Variants in SHISA9 observed in about 807,000 individuals in gnomAD.
SHISA9 encodes protein shisa-9.
Under a neutral mutation model 38.0 loss-of-function variants are expected in SHISA9, and 13 were observed. The observed-to-expected ratio is 0.34, with a 90% CI of 0.22 to 0.54. SHISA9 has a LOEUF of 0.54. Ranked by LOEUF, SHISA9 falls within the 20% of genes least tolerant of loss-of-function variation. The probability of loss-of-function intolerance (pLI) is 0.91; values close to 1 mark genes in which losing one functional copy is unlikely to be tolerated. For missense variants in SHISA9, 538 were observed against 575.8 expected, an observed-to-expected ratio of 0.93 and a Z score of 0.67; for synonymous variants, 275 against 242.0, an observed-to-expected ratio of 1.14 and a Z score of -1.27.
chr16:13,129,139 A>G (rs902578794), intron 2 of SHISA9, among the ~76,000 whole-genome samples: 41 of 152,162 alleles, frequency 2.7e-4, no homozygotes, highest in Non-Finnish European at 5.3e-4. Flanking sequence ...AGACAGAGTT[A>G]TTGTCTTCAT....
the SHISA9 span, among the ~76,000 whole-genome samples, chr16:13,315,424 C>T: frequency 6.6e-6 from 1 of 152,166 alleles, no homozygotes; most frequent in Non-Finnish European, 1.5e-5. Flanking sequence ...GTTTATAAAG[C>T]TTAGCACAGA....
chr16:13,064,988 T>G (rs962398233), intron 2 of SHISA9, among the ~76,000 whole-genome samples: 9 of 152,148 alleles, frequency 5.9e-5, no homozygotes, highest in African/African-American at 2.2e-4. Flanking sequence ...GCTTTGTGTC[T>G]TTGTCTGTGA....
chr16:13,412,616 G>C, the SHISA9 span, among the ~76,000 whole-genome samples: 1 of 152,080 alleles, frequency 6.6e-6, no homozygotes, highest in Admixed American at 6.5e-5. Context: ...CAGCACTTTG[G>C]GAGTCTGAGG....
chr16:12,986,460 A>T (rs1456495883), intron 2 of SHISA9, among the ~76,000 whole-genome samples: 1 of 152,194 alleles, frequency 6.6e-6, no homozygotes, highest in Non-Finnish European at 1.5e-5. Flanking sequence ...AGCGGTAATT[A>T]AAATAATGGA....
At chr16:13,357,557 C>T in the SHISA9 span, among the ~76,000 whole-genome samples, 2 of 152,112 alleles carry the variant, frequency 1.3e-5, no homozygotes, top group Non-Finnish European at 2.9e-5. Context: ...TCCCCCGATC[C>T]GAGTCACAGC....
the SHISA9 span, chr16:13,331,510 A>AT: frequency 6.6e-6 from 1 of 152,272 alleles, no homozygotes; most frequent in African/African-American, 2.4e-5. Context: ...TACATAATAC[A>AT]TTTTTATGTT....
At chr16:13,249,709 C>T in the SHISA9 span, among the ~76,000 whole-genome samples, 2 of 151,928 alleles carry the variant, frequency 1.3e-5, no homozygotes, top group African/African-American at 4.8e-5. Flanking sequence ...CTTCCTTCTC[C>T]TTCACTTGAT....
intron 2 of SHISA9, among the ~76,000 whole-genome samples, chr16:13,034,874 A>G (rs1364522365): frequency 6.6e-6 from 1 of 152,236 alleles, no homozygotes; most frequent in Non-Finnish European, 1.5e-5. Flanking sequence ...AGATCGTCCT[A>G]CATTAGTCAA....
At chr16:13,118,667 C>T (rs1235139309) in intron 2 of SHISA9, among the ~76,000 whole-genome samples, 1 of 151,940 alleles carries the variant, frequency 6.6e-6, no homozygotes, top group African/African-American at 2.4e-5. Context: ...CCTTGAGGAG[C>T]AAGGCCTTAG....
chr16:13,360,740 G>A, the SHISA9 span, among the ~76,000 whole-genome samples: 3 of 152,164 alleles, frequency 2.0e-5, no homozygotes, highest in Non-Finnish European at 2.9e-5. Flanking sequence ...AGGTGGAGCC[G>A]AGGAGCTTAG....
the SHISA9 span, among the ~76,000 whole-genome samples, chr16:13,521,080 C>A: frequency 6.6e-6 from 1 of 152,218 alleles, no homozygotes; most frequent in African/African-American, 2.4e-5. Context: ...CTGAGCTCCA[C>A]TGGTTAGCCA....
At chr16:13,487,727 A>G in the SHISA9 span, among the ~76,000 whole-genome samples, 29 of 152,318 alleles carry the variant, frequency 1.9e-4, no homozygotes, top group Admixed American at 9.2e-4. Flanking sequence ...ATGTAAATAG[A>G]TACTATACTG....
In SHISA9 at chr16:13,000,623, G is replaced by A. The variant is rs149198803; in HGVS notation, c.691+83808G>A. On this transcript the variant is annotated intron_variant, in intron 2 of 4. Transcript: ENST00000558583. The stretch of plus-strand genomic sequence containing the variant: ...GCCTGTAGCAGGAGCATCCACATCC[G>A]CAGGCAGAAGGGGTCCCCAGGAGCC... 3.7e-3 allele frequency among the ~76,000 whole-genome samples: 567 copies of A among 152,238 alleles called. 3 individuals are homozygous for A. The highest frequency in any genetic ancestry group is 0.013 in the African/African-American group (531 of 41,532).
chr16:13,500,712 A>T, the SHISA9 span, among the ~76,000 whole-genome samples: 1 of 152,128 alleles, frequency 6.6e-6, no homozygotes, highest in Non-Finnish European at 1.5e-5. Flanking sequence ...GTCTTAAATA[A>T]TTGTAAACCA....
intron 2 of SHISA9, among the ~76,000 whole-genome samples, chr16:13,015,932 T>TTCC: frequency 2.7e-5 from 3 of 112,558 alleles, no homozygotes; most frequent in African/African-American, 3.8e-5. Context: ...CTTCCTTCCT[T>TTCC]CTTTCCTTCC....
In SHISA9 at chr16:12,990,787, C is replaced by T. The variant is rs111952873; in HGVS notation, c.691+73972C>T. Among the ~76,000 whole-genome samples the T allele has an allele frequency of 6.6e-3, 1,010 of 152,262 alleles. 11 individuals carry two copies. The highest frequency in any genetic ancestry group is 0.023 in the African/African-American group (943 of 41,540). The stretch of plus-strand genomic sequence containing the variant: ...TGTCTAGCCCCAAGTGTCAATTGTA[C>T]TGTGGTTGAGAAACCCCATTCTTAG... On this transcript the variant is annotated intron_variant, in intron 2 of 4. Transcript: ENST00000558583.
At chr16:13,358,854 A>G in the SHISA9 span, among the ~76,000 whole-genome samples, 1 of 152,224 alleles carries the variant, frequency 6.6e-6, no homozygotes, top group African/African-American at 2.4e-5. Context: ...GGCCTAGAAG[A>G]CAGGGTGTTT....
chr16:13,345,561 T>G, the SHISA9 span, among the ~76,000 whole-genome samples: 1 of 152,220 alleles, frequency 6.6e-6, no homozygotes, highest in Non-Finnish European at 1.5e-5. Flanking sequence ...AGTGCTTCAA[T>G]GAACATACAT....
intron 2 of SHISA9, among the ~76,000 whole-genome samples, chr16:13,149,523 C>T (rs1050244262): frequency 2.6e-5 from 4 of 152,140 alleles, no homozygotes; most frequent in Admixed American, 1.3e-4. Flanking sequence ...CAATTTCTGG[C>T]ACCTCATCTA....
Sources: allele counts gnomAD v4.1 joint callset (sites outside exome capture counted in the v4.1 genomes callset), GRCh38; gene constraint gnomAD v4.1.1; transcripts MANE v1.5; gene names NCBI Gene and HGNC (gene_info 2026-07-23, HGNC 2026-07-21).